Variants in NPSR1 observed in about 807,000 individuals in gnomAD.
The protein encoded by NPSR1 is neuropeptide S receptor 1.
A neutral mutation model predicts 46.9 loss-of-function variants in NPSR1; 48 were observed. That is an observed-to-expected ratio of 1.02 (90% CI 0.81 to 1.30). NPSR1 has a LOEUF of 1.30. NPSR1 is among the 50% of genes most tolerant of loss of function. NPSR1 has a pLI of 0.00. For missense variants in NPSR1, 450 were observed against 449.5 expected, an observed-to-expected ratio of 1.00 and a Z score of -0.01; for synonymous variants, 176 against 168.1, an observed-to-expected ratio of 1.05 and a Z score of -0.36.
At chr7:34,815,266 G>A (rs572830580) in intron 4 of NPSR1, among the ~76,000 whole-genome samples, 58 of 152,246 alleles carry the variant, frequency 3.8e-4, no homozygotes, top group Admixed American at 1.4e-3. Context: ...CAAGAACTTC[G>A]TGAGGCATGC....
chr7:34,702,903 C>T (rs1488756868), intron 2 of NPSR1, among the ~76,000 whole-genome samples: 3 of 152,124 alleles, frequency 2.0e-5, no homozygotes, highest in South Asian at 2.1e-4. Flanking sequence ...CTCTAGAACC[C>T]GCTAGCATAG....
At chr7:34,835,642 C>T (rs991728598) in intron 6 of NPSR1, among the ~76,000 whole-genome samples, 1 of 152,138 alleles carries the variant, frequency 6.6e-6, no homozygotes, top group African/African-American at 2.4e-5. Flanking sequence ...TAACTTGTGT[C>T]TCTTTCCCTA....
At chr7:34,874,453 A>G (rs902682650) in intron 8 of NPSR1, among the ~76,000 whole-genome samples, 6 of 152,110 alleles carry the variant, frequency 3.9e-5, no homozygotes, top group Non-Finnish European at 7.4e-5. Flanking sequence ...CGGTTAAAAT[A>G]AAAAAAGGAG....
chr7:34,747,714 C>G (rs1319956430), intron 2 of NPSR1, among the ~76,000 whole-genome samples: 1 of 152,172 alleles, frequency 6.6e-6, no homozygotes, highest in Non-Finnish European at 1.5e-5. Context: ...ACTACAAGGA[C>G]AAAGAGTAAA....
intron 1 of NPSR1, among the ~76,000 whole-genome samples, chr7:34,664,930 A>G (rs1791662086): frequency 6.6e-6 from 1 of 152,200 alleles, no homozygotes; most frequent in South Asian, 2.1e-4. Flanking sequence ...CTGCCTAAAA[A>G]TGATAGATCT....
intron 6 of NPSR1, among the ~76,000 whole-genome samples, chr7:34,837,481 T>C (rs1790415259): frequency 6.6e-6 from 1 of 152,248 alleles, no homozygotes; most frequent in South Asian, 2.1e-4. Context: ...CTTTAACTCA[T>C]TTCCTGTTTG....
At chr7:34,832,755 AC>A (rs1458592643) in intron 5 of NPSR1, among the ~76,000 whole-genome samples, 1 of 152,204 alleles carries the variant, frequency 6.6e-6, no homozygotes, top group African/African-American at 2.4e-5. Context: ...ATGGTTGATA[AC>A]CATAAATATT....
chr7:34,773,742 C>A (rs774770739), intron 2 of NPSR1, among the ~76,000 whole-genome samples: 3 of 152,202 alleles, frequency 2.0e-5, no homozygotes, highest in Non-Finnish European at 2.9e-5. Flanking sequence ...AGTAGTCTTG[C>A]TCTCTGCCAC....
chr7:34,748,858 G>A (rs1785356899), intron 2 of NPSR1, among the ~76,000 whole-genome samples: 2 of 150,824 alleles, frequency 1.3e-5, no homozygotes, highest in Non-Finnish European at 3.0e-5. Context: ...GCATAGCATA[G>A]GCCATTGCAT....
chr7:34,770,425 G>T (rs911053345), intron 2 of NPSR1, among the ~76,000 whole-genome samples: 5 of 152,176 alleles, frequency 3.3e-5, no homozygotes, highest in African/African-American at 1.2e-4. Context: ...GATCCCATGT[G>T]CTTGCCAATG....
At chr7:34,716,028 G>T (rs1315381983) in intron 2 of NPSR1, among the ~76,000 whole-genome samples, 1 of 152,154 alleles carries the variant, frequency 6.6e-6, no homozygotes, top group African/African-American at 2.4e-5. Flanking sequence ...TGGGGAAAGA[G>T]TGGAAAGAGG....
At chr7:34,836,586 GAGAA>G (rs1416926044) in intron 6 of NPSR1, among the ~76,000 whole-genome samples, 36 of 151,514 alleles carry the variant, frequency 2.4e-4, no homozygotes, top group Non-Finnish European at 4.9e-4. Flanking sequence ...TAGAATGAGG[GAGAA>G]AGAAAGAGTG....
downstream of NPSR1, among the ~76,000 whole-genome samples, chr7:34,850,565 TA>T: frequency 6.6e-6 from 1 of 152,248 alleles, no homozygotes; most frequent in Non-Finnish European, 1.5e-5. Context: ...CACGCCTGGC[TA>T]ATTTTTTGTA....
rs772877468 is a variant in NPSR1, at chr7:34,658,486, C to T, written c.74C>T (p.Ala25Val). The T allele has an allele frequency of 5.0e-6, 8 of 1,614,076 alleles. No individual in the cohort carries two copies. The highest frequency in any genetic ancestry group is 1.3e-5 in the African/African-American group (1 of 75,060). Reference sequence around the variant, plus strand: ...CAGACGCTGGATTCTTCCCCAGTGGCTTGCACTGAAACAGTGACTTTTACT... The same window carrying T: ...CAGACGCTGGATTCTTCCCCAGTGGTTTGCACTGAAACAGTGACTTTTACT... ...TGQTLDSSPV[A>V]CTETVTFTEV... is the part of the protein sequence containing the mutation. Residue 25 changes from alanine (A) to valine (V), a missense_variant, in exon 1 of 9, where the codon GCT becomes GTT. Physicochemically the swap from Ala to Val is moderately conservative, Grantham distance 64. Coordinates refer to ENST00000360581, the MANE Select transcript of NPSR1 (RefSeq NM_207172.2).
intron 2 of NPSR1, among the ~76,000 whole-genome samples, chr7:34,706,104 CA>C (rs957284639): frequency 3.2e-4 from 48 of 149,254 alleles, no homozygotes; most frequent in African/African-American, 1.1e-3. Flanking sequence ...TTTGTGTTAC[CA>C]AAAAAAAATC....
At chr7:34,707,022 C>T (rs569552656) in intron 2 of NPSR1, among the ~76,000 whole-genome samples, 1 of 152,118 alleles carries the variant, frequency 6.6e-6, no homozygotes, top group African/African-American at 2.4e-5. Flanking sequence ...ATTGTCCTAT[C>T]GCTATGTGAA....
chr7:34,690,134 C>A (rs1793174611), intron 2 of NPSR1, among the ~76,000 whole-genome samples: 1 of 151,948 alleles, frequency 6.6e-6, no homozygotes, highest in Non-Finnish European at 1.5e-5. Context: ...CAAAGACTAC[C>A]CATTACCAAG....
chr7:34,818,972 G>A (rs1480331766), intron 4 of NPSR1, among the ~76,000 whole-genome samples: 1 of 152,100 alleles, frequency 6.6e-6, no homozygotes, highest in East Asian at 1.9e-4. Flanking sequence ...AACCCTAGAA[G>A]AAAACCTAGG....
At chr7:34,828,108 T>C (rs750402731) in intron 5 of NPSR1, among the ~76,000 whole-genome samples, 2 of 152,268 alleles carry the variant, frequency 1.3e-5, no homozygotes, top group Non-Finnish European at 2.9e-5. Flanking sequence ...AAACTCAGTA[T>C]GCACTAATAT....
Sources: gnomAD v4.1 joint callset for allele counts (sites outside exome capture counted in the v4.1 genomes callset) on GRCh38, gnomAD v4.1.1 for gene constraint, MANE v1.5 for transcripts, NCBI Gene and HGNC (gene_info 2026-07-23, HGNC 2026-07-21) for gene names.